The following CDC42 variants were observed in gnomAD, a reference collection of about 807,000 sequenced individuals.
The protein encoded by CDC42 is cell division control protein 42 homolog.
In CDC42, 1 loss-of-function variant was observed where a neutral mutation model predicts 20.8. That is an observed-to-expected ratio of 0.05 (90% CI 0.02 to 0.23). The LOEUF is 0.23. Ranked by LOEUF, CDC42 falls within the 10% of genes least tolerant of loss-of-function variation. CDC42 has a pLI of 1.00. For missense variants in CDC42, 49 were observed against 227.9 expected, an observed-to-expected ratio of 0.21 and a Z score of 5.05; for synonymous variants, 72 against 84.8, an observed-to-expected ratio of 0.85 and a Z score of 0.83.
At chr1:22,070,201 T>A (rs1645469980) in intron 1 of CDC42, among the ~76,000 whole-genome samples, 1 of 152,132 alleles carries the variant, frequency 6.6e-6, no homozygotes, top group Non-Finnish European at 1.5e-5. Flanking sequence ...AATAGTAACT[T>A]CTCTTAAAAG....
chr1:22,053,173 T>C (rs2152824587), intron 1 of CDC42: 1 of 150,576 alleles, frequency 6.6e-6, no homozygotes, highest in Admixed American at 6.6e-5. Flanking sequence ...GGCGCCGGTC[T>C]TCCGTGCTGG....
chr1:22,100,390 A>G lies in CDC42; in HGVS notation c.*8873A>G, dbSNP rs1033867676. Among the ~76,000 whole-genome samples the G allele has an allele frequency of 3.3e-5, 5 of 152,194 alleles. No individual in the cohort carries two copies. Among genetic ancestry groups the G allele is most frequent in the Admixed American group, 6.5e-5 (1 of 15,282 alleles). ...TAAAACTGAGGCGAAACAACTTGGC[A>G]TTGTTGGTGTTGTGCGAAGTACATG... On this transcript the variant is annotated 3_prime_UTR_variant, in exon 6 of 6. Transcript: ENST00000656825.
intron 2 of CDC42, among the ~76,000 whole-genome samples, chr1:22,080,569 CT>C (rs1164038579): frequency 6.6e-6 from 1 of 151,954 alleles, no homozygotes; most frequent in East Asian, 2.0e-4. Flanking sequence ...GAAAGCTTTG[CT>C]TTTCTTTTTA....
intron 1 of CDC42, among the ~76,000 whole-genome samples, chr1:22,070,538 A>G (rs1159751350): frequency 5.4e-5 from 7 of 128,746 alleles, no homozygotes; most frequent in African/African-American, 2.1e-4. Context: ...ATCTTGGCTC[A>G]CTACAAGCTC....
At chr1:22,073,949 C>T (rs1645520944) in intron 1 of CDC42, 1 of 152,232 alleles carries the variant, frequency 6.6e-6, no homozygotes, top group African/African-American at 2.4e-5. Flanking sequence ...CCATGCCTGA[C>T]CCTGCAGAAT....
chr1:22,076,436 C>T (rs1016307640), intron 1 of CDC42, among the ~76,000 whole-genome samples: 9 of 151,862 alleles, frequency 5.9e-5, no homozygotes, highest in African/African-American at 1.9e-4. Context: ...GACACATACA[C>T]ACACACACAC....
At chr1:22,056,138 A>G (rs1645302741) in intron 1 of CDC42, among the ~76,000 whole-genome samples, 1 of 152,242 alleles carries the variant, frequency 6.6e-6, no homozygotes, top group Non-Finnish European at 1.5e-5. Flanking sequence ...GAATACTGCC[A>G]TACATACAGT....
At chr1:22,081,880 C>T in intron 3 of CDC42, 86 bp downstream of exon 3, 3 of 837,654 alleles carry the variant, frequency 3.6e-6, no homozygotes, top group Non-Finnish European at 6.0e-6. Context: ...GAAACTAGCA[C>T]ATGAGCAAAG....
intron 3 of CDC42, among the ~76,000 whole-genome samples, chr1:22,085,263 C>T (rs948088537): frequency 7.7e-5 from 11 of 143,518 alleles, no homozygotes; most frequent in African/African-American, 2.9e-4. Flanking sequence ...AATCATTTGC[C>T]CACATATGTA....
chr1:22,075,997 G>A (rs376162207), intron 1 of CDC42, among the ~76,000 whole-genome samples: 1 of 152,154 alleles, frequency 6.6e-6, no homozygotes, highest in South Asian at 2.1e-4. Flanking sequence ...TGAAAAACAG[G>A]AAATAAGCTT....
At chr1:22,086,393 C>G in intron 3 of CDC42, 46 bp from the exon 4 acceptor site, 2 of 1,320,204 alleles carry the variant, frequency 1.5e-6, no homozygotes, top group Non-Finnish European at 2.1e-6. Flanking sequence ...TTGAGGACAC[C>G]AAGATTCAGT....
intron 1 of CDC42, among the ~76,000 whole-genome samples, chr1:22,056,777 A>G (rs1447623700): frequency 9.9e-5 from 15 of 152,264 alleles, no homozygotes; most frequent in Admixed American, 7.2e-4. Flanking sequence ...TATTTTTTAA[A>G]TCAAAGATTT....
intron 5 of CDC42, chr1:22,089,854 C>T: frequency 7.9e-7 from 1 of 1,267,508 alleles, no homozygotes; most frequent in South Asian, 1.5e-5. Flanking sequence ...GTGAATTCAG[C>T]TCATTTAATC....
At chr1:22,071,997 C>T (rs1222189170) in intron 1 of CDC42, among the ~76,000 whole-genome samples, 1 of 151,908 alleles carries the variant, frequency 6.6e-6, no homozygotes, top group Non-Finnish European at 1.5e-5. Context: ...TACCTCTGCC[C>T]AGTAGACTAC....
At chr1:22,086,959 T>G in intron 5 of CDC42, 93 bp downstream of exon 5, 1 of 980,668 alleles carries the variant, frequency 1.0e-6, no homozygotes, top group Non-Finnish European at 1.6e-6. Context: ...TGATCAGCAG[T>G]GCTCAAAGAT....
At chr1:22,059,582 T>C (rs1006288299) in intron 1 of CDC42, 7 of 152,258 alleles carry the variant, frequency 4.6e-5, no homozygotes, top group Non-Finnish European at 7.3e-5. Context: ...TCTCGCTCTG[T>C]TGCCCAGGCT....
At position 22,101,342 on chromosome 1, in the gene CDC42, A is replaced by G. The variant is rs1184926894; in HGVS notation, c.*9825A>G. The G allele has an allele frequency of 6.6e-6, 1 of 152,194 alleles. No individual in the cohort carries two copies. Among genetic ancestry groups the G allele is most frequent in the African/African-American group, 2.4e-5 (1 of 41,450 alleles). The allele number at this position is 152,194 out of a possible 1,614,324, so 9.4% of individuals were successfully genotyped here. Reference sequence around the variant, plus strand: ...TTTGGGCCTTGGTTTCCTCATCTCAATAAAATGAGTTTCTGTTCCTTTTTG... The same window carrying G: ...TTTGGGCCTTGGTTTCCTCATCTCAGTAAAATGAGTTTCTGTTCCTTTTTG... On this transcript the variant is annotated 3_prime_UTR_variant, in exon 6 of 6. Coordinates refer to ENST00000656825, the MANE Select transcript of CDC42 (RefSeq NM_001791.4).
At chr1:22,067,911 G>C (rs1396785615) in intron 1 of CDC42, among the ~76,000 whole-genome samples, 1 of 152,128 alleles carries the variant, frequency 6.6e-6, no homozygotes, top group Non-Finnish European at 1.5e-5. Flanking sequence ...CTCAGAGAAG[G>C]AGAGGTTTTG....
At chr1:22,090,468 C>G (rs1284842460) in intron 5 of CDC42, 2 of 991,602 alleles carry the variant, frequency 2.0e-6, no homozygotes, top group Non-Finnish European at 2.4e-6. Flanking sequence ...AAGGGGTGAC[C>G]TAGTAGAGTG....
Sources: gnomAD v4.1 joint callset for allele counts (sites outside exome capture counted in the v4.1 genomes callset) on GRCh38, gnomAD v4.1.1 for gene constraint, MANE v1.5 for transcripts, NCBI Gene and HGNC (gene_info 2026-07-23, HGNC 2026-07-21) for gene names.